TLE4: variants seen among roughly 807,000 people sequenced by gnomAD.
TLE4 encodes TLE family member 4, transcriptional corepressor.
In TLE4, 8 loss-of-function variants were observed where a neutral mutation model predicts 92.8. The observed-to-expected ratio is 0.09, with a 90% CI of 0.05 to 0.16. The LOEUF is 0.16. Ranked by LOEUF, TLE4 falls within the 10% of genes least tolerant of loss-of-function variation. TLE4 has a pLI of 1.00. For synonymous variants in TLE4, 371 were observed against 374.1 expected, an observed-to-expected ratio of 0.99 and a Z score of 0.10; for missense variants, 675 against 997.6, an observed-to-expected ratio of 0.68 and a Z score of 4.36.
intron 4 of TLE4, among the ~76,000 whole-genome samples, chr9:79,584,407 T>G (rs2040537417): frequency 6.6e-6 from 1 of 152,168 alleles, no homozygotes; most frequent in Non-Finnish European, 1.5e-5. Flanking sequence ...GGTCCACTTT[T>G]AGAAAAGTGC....
At chr9:79,646,851 CTGAGTA>C (rs2058182650) in intron 6 of TLE4, among the ~76,000 whole-genome samples, 1 of 152,010 alleles carries the variant, frequency 6.6e-6, no homozygotes, top group Non-Finnish European at 1.5e-5. Flanking sequence ...TACAGGATGC[CTGAGTA>C]TAATTTTTCT....
At chr9:79,642,178 C>T (rs2057289086) in intron 6 of TLE4, among the ~76,000 whole-genome samples, 1 of 151,348 alleles carries the variant, frequency 6.6e-6, no homozygotes, top group Non-Finnish European at 1.5e-5. Flanking sequence ...AGATCAAATG[C>T]AGGATTACTG....
Position 79,613,130 on chromosome 9 carries a change from A to G in TLE4, c.315+412A>G, listed in dbSNP as rs560630907. On this transcript the variant is annotated intron_variant, in intron 5 of 19. Transcript: ENST00000376552. The stretch of plus-strand genomic sequence containing the variant: ...CATATCAAATGGAAAGACTTTTTGT[A>G]GTAAACAAACTAATGAAGCTTTTGG... Among the ~76,000 whole-genome samples, 5 of 152,272 alleles carry G rather than the reference A, an allele frequency of 3.3e-5. No homozygotes were observed. In the South Asian group the frequency reaches 1.0e-3, roughly 32 times the overall value.
chr9:79,720,378 GTGTGT>G, intron 16 of TLE4, 85 bp downstream of exon 16: 16 of 856,748 alleles, frequency 1.9e-5, no homozygotes, highest in South Asian at 8.2e-5. Flanking sequence ...ATAGGTATGG[GTGTGT>G]GTGTGTGTGT....
At chr9:79,658,113 G>T (rs939806936) in intron 8 of TLE4, among the ~76,000 whole-genome samples, 4 of 152,182 alleles carry the variant, frequency 2.6e-5, no homozygotes, top group African/African-American at 4.8e-5. Context: ...TTCAAGCCCA[G>T]AGTGCTGGAT....
At chr9:79,647,637 T>A (rs1196283962) in intron 6 of TLE4, among the ~76,000 whole-genome samples, 1 of 152,156 alleles carries the variant, frequency 6.6e-6, no homozygotes, top group Non-Finnish European at 1.5e-5. Context: ...AAAATCATGC[T>A]GATATTAGTT....
intron 14 of TLE4, among the ~76,000 whole-genome samples, chr9:79,710,688 A>G (rs1020743452): frequency 3.3e-5 from 5 of 151,848 alleles, no homozygotes; most frequent in Admixed American, 1.3e-4. Flanking sequence ...GTTATCTAAG[A>G]TGTCATTATG....
chr9:79,573,292 C>T (rs958660333), intron 1 of TLE4: 7 of 1,031,228 alleles, frequency 6.8e-6, no homozygotes, highest in Admixed American at 1.2e-4. Context: ...AGGGTGGCGG[C>T]CGCCTCCCTC....
chr9:79,718,092 G>A (rs558808396), intron 14 of TLE4: 84 of 456,452 alleles, frequency 1.8e-4, no homozygotes, highest in South Asian at 1.3e-3. Flanking sequence ...GGGGCTGTCA[G>A]GATGCCTTTT....
intron 19 of TLE4, among the ~76,000 whole-genome samples, chr9:79,723,702 A>G (rs534637957): frequency 2.8e-4 from 42 of 152,360 alleles, no homozygotes; most frequent in Non-Finnish European, 5.6e-4. Context: ...TACAAGCAAT[A>G]TAATAGACTT....
intron 4 of TLE4, among the ~76,000 whole-genome samples, chr9:79,595,248 A>T (rs1489673342): frequency 6.6e-6 from 1 of 152,214 alleles, no homozygotes; most frequent in East Asian, 1.9e-4. Flanking sequence ...GGCAATAAGA[A>T]ATTATAGTTT....
intron 8 of TLE4, among the ~76,000 whole-genome samples, chr9:79,670,746 C>G (rs1349779331): frequency 6.6e-6 from 1 of 152,116 alleles, no homozygotes; most frequent in Non-Finnish European, 1.5e-5. Context: ...TCCTCTGGAA[C>G]CAGGTGGTCT....
intron 8 of TLE4, chr9:79,671,623 T>C (rs971456965): frequency 1.5e-5 from 3 of 204,516 alleles, no homozygotes; most frequent in Non-Finnish European, 2.1e-5. Flanking sequence ...GGTTGGCTGT[T>C]TGGGGAAAGA....
intron 4 of TLE4, among the ~76,000 whole-genome samples, chr9:79,597,958 C>T (rs961226878): frequency 8.0e-5 from 12 of 150,914 alleles, no homozygotes; most frequent in African/African-American, 2.7e-4. Context: ...ACTGGCCTGG[C>T]GTGGTGGCTC....
intron 6 of TLE4, 24 bp downstream of exon 6, chr9:79,627,472 T>C: frequency 6.2e-7 from 1 of 1,611,636 alleles, no homozygotes; most frequent in Non-Finnish European, 8.5e-7. Flanking sequence ...CCATTTTAGC[T>C]CTGATCTTAG....
intron 11 of TLE4, chr9:79,707,310 T>C: frequency 9.6e-7 from 1 of 1,044,042 alleles, no homozygotes; most frequent in East Asian, 2.4e-5. Flanking sequence ...TCCCTTCCTA[T>C]CTAAAAAGTA....
At chr9:79,603,345 T>C (rs1288668783) in intron 4 of TLE4, among the ~76,000 whole-genome samples, 6 of 152,136 alleles carry the variant, frequency 3.9e-5, no homozygotes, top group Non-Finnish European at 8.8e-5. Flanking sequence ...TTATTGTCTG[T>C]TTTTGAGAAA....
chr9:79,660,297 T>A (rs762930682), intron 8 of TLE4, among the ~76,000 whole-genome samples: 12 of 152,232 alleles, frequency 7.9e-5, no homozygotes, highest in Non-Finnish European at 1.6e-4. Flanking sequence ...TCTTATGTGT[T>A]ATTTAGTCCT....
rs781296195 is a variant in TLE4, at chr9:79,718,935, A to G, written c.1554A>G (p.Pro518=). 7 of 1,613,268 alleles carry G rather than the reference A, an allele frequency of 4.3e-6. No individual in the cohort carries two copies. The highest frequency in any genetic ancestry group is 5.9e-6 in the Non-Finnish European group (7 of 1,179,282). ...TCAAGGTCTGGGACATCAGCCACCC[A>G]GGCAATAAGAGTCCTGTCTCCCAGC... ...GCVKVWDISH[P]GNKSPVSQLD... Residue 518 remains proline (P), a synonymous_variant, in exon 15 of 20, where the codon CCA becomes CCG. Coordinates refer to ENST00000376552, the MANE Select transcript of TLE4 (RefSeq NM_007005.6).
Sources: gnomAD v4.1 joint callset for allele counts (sites outside exome capture counted in the v4.1 genomes callset) on GRCh38, gnomAD v4.1.1 for gene constraint, MANE v1.5 for transcripts, NCBI Gene and HGNC (gene_info 2026-07-23, HGNC 2026-07-21) for gene names.